The following OXR1 variants were observed in gnomAD, a reference collection of about 807,000 sequenced individuals.
OXR1 encodes the protein oxidation resistance protein 1.
In OXR1, 41 loss-of-function variants were observed where a neutral mutation model predicts 104.6. That is an observed-to-expected ratio of 0.39 (90% CI 0.31 to 0.51). The LOEUF is 0.51. OXR1 is among the 20% of genes least tolerant of loss of function. The pLI is 0.77. For missense variants in OXR1, 955 were observed against 1,031.9 expected (o/e 0.93, Z 1.02); for synonymous variants, 348 against 348.4 (o/e 1.00, Z 0.01).
At chr8:106,446,054 A>T (rs1316284211) in intron 2 of OXR1, among the ~76,000 whole-genome samples, 2 of 152,170 alleles carry the variant, frequency 1.3e-5, no homozygotes, top group African/African-American at 4.8e-5. Flanking sequence ...TGGCTTTGTG[A>T]AAGTTTTCTT....
At chr8:106,691,963 ATG>A (rs1208139618) in intron 6 of OXR1, among the ~76,000 whole-genome samples, 2 of 141,022 alleles carry the variant, frequency 1.4e-5, no homozygotes, top group African/African-American at 2.9e-5. Context: ...AAGCGTATAT[ATG>A]TGTGTGTGTG....
chr8:106,627,644 G>A (rs1313869711), intron 3 of OXR1, among the ~76,000 whole-genome samples: 1 of 152,090 alleles, frequency 6.6e-6, no homozygotes, highest in South Asian at 2.1e-4. Context: ...CTTCTTCCCC[G>A]CAGCCAAGAA....
At chr8:106,556,463 A>T (rs1816292720) in intron 3 of OXR1, among the ~76,000 whole-genome samples, 1 of 152,320 alleles carries the variant, frequency 6.6e-6, no homozygotes, top group Admixed American at 6.5e-5. Flanking sequence ...TCATGTAAAC[A>T]TCAAGAAGTA....
chr8:106,326,472 A>C (rs1814472254), intron 1 of OXR1, among the ~76,000 whole-genome samples: 1 of 152,230 alleles, frequency 6.6e-6, no homozygotes, highest in Admixed American at 6.5e-5. Context: ...TTATTTTTCT[A>C]GTCAATGAAG....
At chr8:106,375,873 G>A (rs1015686588) in intron 2 of OXR1, among the ~76,000 whole-genome samples, 2 of 152,184 alleles carry the variant, frequency 1.3e-5, no homozygotes, top group Admixed American at 1.3e-4. Context: ...AAGACATGTG[G>A]TGCCTTAGCT....
At chr8:106,445,155 T>C (rs1296266814) in intron 2 of OXR1, among the ~76,000 whole-genome samples, 1 of 152,188 alleles carries the variant, frequency 6.6e-6, no homozygotes, top group Non-Finnish European at 1.5e-5. Flanking sequence ...TAAAGAGCCT[T>C]GGAGTACAGT....
chr8:106,445,387 T>G (rs1324522902), intron 2 of OXR1, among the ~76,000 whole-genome samples: 1 of 152,174 alleles, frequency 6.6e-6, no homozygotes, highest in African/African-American at 2.4e-5. Context: ...ATTTTCACAG[T>G]GCCAGGTGAA....
At chr8:106,472,226 C>T (rs1821528712) in intron 2 of OXR1, among the ~76,000 whole-genome samples, 1 of 151,694 alleles carries the variant, frequency 6.6e-6, no homozygotes, top group South Asian at 2.1e-4. Flanking sequence ...AATATATGAG[C>T]CAGGATGCAT....
chr8:106,697,319 G>A, intron 7 of OXR1: 1 of 866,270 alleles, frequency 1.2e-6, no homozygotes, highest in Non-Finnish European at 1.8e-6. Flanking sequence ...CTGACAGAAG[G>A]GAGCTTAAGA....
At chr8:106,719,718 A>G (rs1239326944) in intron 11 of OXR1, among the ~76,000 whole-genome samples, 1 of 152,210 alleles carries the variant, frequency 6.6e-6, no homozygotes, top group Non-Finnish European at 1.5e-5. Flanking sequence ...ATGTTATTCT[A>G]CCACTTGAAT....
At chr8:106,649,649 T>G (rs189531150) in intron 3 of OXR1, among the ~76,000 whole-genome samples, 71 of 152,060 alleles carry the variant, frequency 4.7e-4, no homozygotes, top group African/African-American at 1.6e-3. Flanking sequence ...CTGTCCTGTC[T>G]TCACAAGGAT....
intron 1 of OXR1, among the ~76,000 whole-genome samples, chr8:106,353,498 T>C (rs909878968): frequency 3.9e-4 from 60 of 152,136 alleles, no homozygotes; most frequent in African/African-American, 1.4e-3. Flanking sequence ...ATAATTCAAG[T>C]GTAAGAATAT....
intron 2 of OXR1, among the ~76,000 whole-genome samples, chr8:106,501,717 G>T (rs569956889): frequency 6.6e-6 from 1 of 152,326 alleles, no homozygotes; most frequent in East Asian, 1.9e-4. Context: ...AATGCAAATG[G>T]GAAGGATGGT....
intron 3 of OXR1, among the ~76,000 whole-genome samples, chr8:106,651,292 T>G: frequency 6.6e-6 from 1 of 152,174 alleles, no homozygotes; most frequent in South Asian, 2.1e-4. Context: ...ATGAAGCAAA[T>G]TTGTTGTTTA....
At chr8:106,492,915 CA>C (rs921655849) in intron 2 of OXR1, among the ~76,000 whole-genome samples, 9 of 152,278 alleles carry the variant, frequency 5.9e-5, no homozygotes, top group African/African-American at 2.2e-4. Flanking sequence ...GACAGGGACA[CA>C]AGCCTTTATA....
rs143722332 is a variant in OXR1, at chr8:106,446,280, G to T, written c.24-72663G>T. ...TGTGGAAATACCCTGGGGCTATCCT[G>T]TTTCATTACTTCTCTGAATCCACAG... On this transcript the variant is annotated intron_variant, in intron 2 of 16. Transcript: ENST00000517566. Among the ~76,000 whole-genome samples the T allele has an allele frequency of 4.1e-3, 622 of 152,288 alleles. 3 individuals carry two copies. The highest frequency in any genetic ancestry group is 0.014 in the African/African-American group (590 of 41,554).
chr8:106,455,660 G>A (rs1820560851), intron 2 of OXR1, among the ~76,000 whole-genome samples: 1 of 152,134 alleles, frequency 6.6e-6, no homozygotes, highest in Non-Finnish European at 1.5e-5. Flanking sequence ...TGAAAATATT[G>A]TCAGTCCAAT....
chr8:106,424,661 C>G (rs1267718283), intron 2 of OXR1, among the ~76,000 whole-genome samples: 3 of 152,008 alleles, frequency 2.0e-5, no homozygotes, highest in Non-Finnish European at 4.4e-5. Context: ...AATTATGGAC[C>G]ATGGGGTATG....
At chr8:106,380,827 A>G (rs1398662252) in intron 2 of OXR1, among the ~76,000 whole-genome samples, 1 of 152,212 alleles carries the variant, frequency 6.6e-6, no homozygotes, top group Non-Finnish European at 1.5e-5. Flanking sequence ...ATGGAATTAT[A>G]AAAGTTCTTC....
Sources: allele counts gnomAD v4.1 joint callset (sites outside exome capture counted in the v4.1 genomes callset), GRCh38; gene constraint gnomAD v4.1.1; transcripts MANE v1.5; gene names NCBI Gene and HGNC (gene_info 2026-07-23, HGNC 2026-07-21).